USP32: variants seen among roughly 807,000 people sequenced by gnomAD.
USP32 encodes ubiquitin specific peptidase 32.
In USP32, 59 loss-of-function variants were observed where a neutral mutation model predicts 204.8. That is an observed-to-expected ratio of 0.29 (90% confidence interval 0.23 to 0.36). The LOEUF is 0.36. Among genes scored for constraint, USP32 ranks in the 10% least tolerant of loss-of-function variants. The pLI is 1.00. For synonymous variants in USP32, 517 were observed against 678.4 expected, an observed-to-expected ratio of 0.76 and a Z score of 3.70; for missense variants, 1,160 against 1,946.4, an observed-to-expected ratio of 0.60 and a Z score of 7.60.
chr17:60,202,861 A>T (rs2084713195), intron 26 of USP32, among the ~76,000 whole-genome samples: 1 of 145,100 alleles, frequency 6.9e-6, no homozygotes, highest in African/African-American at 2.9e-5. Context: ...TGAGGATGTC[A>T]AGATGAGATC....
At chr17:60,403,921 G>A (rs974160808) in intron 1 of USP32, among the ~76,000 whole-genome samples, 5 of 151,850 alleles carry the variant, frequency 3.3e-5, no homozygotes. Flanking sequence ...ACGCCTGTGG[G>A]TCCCAGCTAC....
intron 11 of USP32, among the ~76,000 whole-genome samples, chr17:60,239,909 T>A (rs896977941): frequency 6.6e-6 from 1 of 152,056 alleles, no homozygotes; most frequent in Non-Finnish European, 1.5e-5. Flanking sequence ...AATTTTTGTA[T>A]ATTTTTTAGT....
At chr17:60,298,047 T>C (rs780683734) in intron 3 of USP32, among the ~76,000 whole-genome samples, 5 of 152,220 alleles carry the variant, frequency 3.3e-5, no homozygotes, top group Admixed American at 6.5e-5. Context: ...TTTCACCTTT[T>C]GACTTATAGG....
intron 2 of USP32, among the ~76,000 whole-genome samples, chr17:60,342,030 T>C (rs1319476734): frequency 6.6e-6 from 1 of 152,196 alleles, no homozygotes; most frequent in Admixed American, 6.5e-5. Context: ...TTTCTCCCCA[T>C]CTTTGTGGTT....
chr17:60,352,596 C>T (rs1384193399), intron 1 of USP32, among the ~76,000 whole-genome samples: 3 of 152,132 alleles, frequency 2.0e-5, no homozygotes, highest in African/African-American at 7.2e-5. Flanking sequence ...GTTAAAAATC[C>T]TTTCCTGGCT....
intron 1 of USP32, among the ~76,000 whole-genome samples, chr17:60,402,023 A>C (rs1328774412): frequency 6.6e-6 from 1 of 152,176 alleles, no homozygotes; most frequent in African/African-American, 2.4e-5. Context: ...GTGCTAACTT[A>C]TCCCAGATCT....
chr17:60,287,128 C>A (rs545040906), intron 5 of USP32, among the ~76,000 whole-genome samples: 7 of 152,174 alleles, frequency 4.6e-5, no homozygotes, highest in African/African-American at 1.7e-4. Context: ...CCAGCCTGGG[C>A]GACACAGCAA....
intron 1 of USP32, among the ~76,000 whole-genome samples, chr17:60,389,277 C>T (rs968837074): frequency 3.9e-5 from 6 of 152,192 alleles, no homozygotes; most frequent in Non-Finnish European, 7.3e-5. Context: ...GCCGCAGTGG[C>T]TCACCTGTAA....
At chr17:60,372,669 G>A (rs1030826488) in intron 1 of USP32, among the ~76,000 whole-genome samples, 4 of 148,826 alleles carry the variant, frequency 2.7e-5, no homozygotes, top group Non-Finnish European at 4.5e-5. Context: ...GTAAGACCCC[G>A]TTCTCTACAT....
chr17:60,415,830 T>G (rs113338113), intron 1 of USP32, among the ~76,000 whole-genome samples: 138 of 151,396 alleles, frequency 9.1e-4, no homozygotes, highest in African/African-American at 3.2e-3. Context: ...CTTGGTGGTG[T>G]TTTTTTTGTT....
At chr17:60,182,128 A>AT (rs2084127393) in intron 31 of USP32, among the ~76,000 whole-genome samples, 1 of 152,196 alleles carries the variant, frequency 6.6e-6, no homozygotes, top group Admixed American at 6.6e-5. Flanking sequence ...AGTACTTCCT[A>AT]TTGTTAGGCA....
intron 2 of USP32, among the ~76,000 whole-genome samples, chr17:60,316,594 A>T (rs541108192): frequency 6.6e-6 from 1 of 152,056 alleles, no homozygotes; most frequent in African/African-American, 2.4e-5. Flanking sequence ...TAATCTCAAC[A>T]CTTTGGGAGG....
intron 1 of USP32, among the ~76,000 whole-genome samples, chr17:60,370,495 T>TGAG (rs2089415648): frequency 6.6e-6 from 1 of 152,050 alleles, no homozygotes; most frequent in Non-Finnish European, 1.5e-5. Flanking sequence ...ATGCAATGGC[T>TGAG]CACACCTGTA....
intron 16 of USP32, among the ~76,000 whole-genome samples, chr17:60,218,202 G>A (rs1226511981): frequency 1.3e-5 from 2 of 152,096 alleles, no homozygotes; most frequent in African/African-American, 2.4e-5. Context: ...GGCTAACATG[G>A]TGAAACCCCG....
chr17:60,204,340 C>A (rs1171116284), intron 26 of USP32, among the ~76,000 whole-genome samples: 1 of 151,992 alleles, frequency 6.6e-6, no homozygotes, highest in Non-Finnish European at 1.5e-5. Context: ...TTTTTAGAGA[C>A]AAGGTCTCAC....
intron 11 of USP32, 101 bp from the exon 12 acceptor site, chr17:60,236,341 A>G (rs1020446181): frequency 1.1e-6 from 1 of 932,548 alleles, no homozygotes; most frequent in African/African-American, 1.6e-5. Context: ...ACCGCGAAAC[A>G]TTTAGATGTA....
chr17:60,293,354 T>C lies in USP32; in HGVS notation c.411+1329A>G, dbSNP rs115459353. 9.5e-3 allele frequency among the ~76,000 whole-genome samples: 1,441 copies of C among 152,320 alleles called. 32 individuals are homozygous for C. The highest frequency in any genetic ancestry group is 0.033 in the African/African-American group (1,387 of 41,562). ...AGAGTATTAATGTTTTGGACATCTA[T>C]GTCAAAAATCCAATCAGTCAAGTTT... On this transcript the variant is annotated intron_variant, in intron 4 of 33. Coordinates refer to ENST00000300896, the MANE Select transcript of USP32 (RefSeq NM_032582.4).
intron 24 of USP32, 115 bp from the exon 25 acceptor site, chr17:60,207,247 G>C: frequency 7.0e-7 from 1 of 1,423,066 alleles, no homozygotes; most frequent in Non-Finnish European, 9.3e-7. Flanking sequence ...TAAAACCAAC[G>C]AGATGATTGA....
intron 9 of USP32, among the ~76,000 whole-genome samples, chr17:60,262,752 T>C (rs2086484990): frequency 6.6e-6 from 1 of 152,200 alleles, no homozygotes; most frequent in African/African-American, 2.4e-5. Flanking sequence ...TGTTTTACTG[T>C]ACAGTCCTAT....
Sources: gnomAD v4.1 joint callset for allele counts (sites outside exome capture counted in the v4.1 genomes callset) on GRCh38, gnomAD v4.1.1 for gene constraint, MANE v1.5 for transcripts, NCBI Gene and HGNC (gene_info 2026-07-23, HGNC 2026-07-21) for gene names.